PRORP: variants seen among roughly 807,000 people sequenced by gnomAD.
PRORP encodes mitochondrial ribonuclease P catalytic subunit.
In PRORP, 51 loss-of-function variants were observed where a neutral mutation model predicts 59.4. The ratio of observed to expected loss-of-function variants is 0.86; its 90% CI spans 0.69 to 1.08. The LOEUF (loss-of-function observed/expected upper bound fraction) is 1.08. Ranked by LOEUF, PRORP falls within the 50% of genes least tolerant of loss-of-function variation. The pLI is 0.00. For missense variants in PRORP, 646 were observed against 690.3 expected (o/e 0.94, Z 0.72); for synonymous variants, 231 against 245.6 (o/e 0.94, Z 0.55).
chr14:35,267,008 T>C, intron 6 of PRORP, 133 bp downstream of exon 6: 1 of 787,582 alleles, frequency 1.3e-6, no homozygotes, highest in Non-Finnish European at 1.8e-6. Flanking sequence ...AAAAAAAAGA[T>C]TTGAGACAAC....
At chr14:35,262,807 T>C (rs553492111) in intron 5 of PRORP, 3 of 1,396,500 alleles carry the variant, frequency 2.1e-6, no homozygotes, top group South Asian at 2.3e-5. Flanking sequence ...ATCTGAAATT[T>C]CTTGGGTGAA....
intron 3 of PRORP, 53 bp from the exon 4 acceptor site, chr14:35,127,426 C>T: frequency 3.7e-6 from 5 of 1,338,936 alleles, no homozygotes; most frequent in South Asian, 1.8e-5. Flanking sequence ...TTTTTTTCCC[C>T]AGAACATTAT....
chr14:35,267,246 C>T (rs1236304323), intron 6 of PRORP, among the ~76,000 whole-genome samples: 1 of 152,126 alleles, frequency 6.6e-6, no homozygotes, highest in Non-Finnish European at 1.5e-5. Context: ...GTGAAAAAGA[C>T]AAAGTCCCTG....
chr14:35,130,630 C>T (rs1447420082), intron 4 of PRORP, among the ~76,000 whole-genome samples: 2 of 151,658 alleles, frequency 1.3e-5, no homozygotes, highest in East Asian at 3.9e-4. Flanking sequence ...ATTACAGGTA[C>T]CCTCCACCAG....
chr14:35,170,416 A>T (rs77409275), intron 4 of PRORP, among the ~76,000 whole-genome samples: 9,054 of 151,968 alleles, frequency 0.06, 489 homozygotes, highest in Admixed American at 0.18. Context: ...AAATTTTATC[A>T]ACTCTGGCCT....
intron 5 of PRORP, among the ~76,000 whole-genome samples, chr14:35,217,928 C>G (rs1307101040): frequency 2.0e-5 from 3 of 152,206 alleles, no homozygotes; most frequent in South Asian, 4.2e-4. Flanking sequence ...TTCTTGGTCC[C>G]TTGAATTTCC....
At chr14:35,126,902 G>A in intron 3 of PRORP, 120 bp downstream of exon 3, 2 of 729,896 alleles carry the variant, frequency 2.7e-6, no homozygotes, top group Non-Finnish European at 4.5e-6. Context: ...TGTAATTAGA[G>A]TATCTGAGGA....
intron 4 of PRORP, among the ~76,000 whole-genome samples, chr14:35,170,910 C>T (rs1336478839): frequency 3.3e-5 from 5 of 151,316 alleles, no homozygotes; most frequent in African/African-American, 7.3e-5. Flanking sequence ...AGTGTAATGG[C>T]GCAATCTCGG....
intron 5 of PRORP, among the ~76,000 whole-genome samples, chr14:35,203,626 A>T (rs969089648): frequency 6.6e-6 from 1 of 152,208 alleles, no homozygotes; most frequent in Non-Finnish European, 1.5e-5. Flanking sequence ...GCACTTTGGG[A>T]GGCCGAGGCG....
intron 4 of PRORP, among the ~76,000 whole-genome samples, chr14:35,175,754 A>G (rs2048433801): frequency 1.3e-5 from 2 of 151,930 alleles, no homozygotes; most frequent in African/African-American, 4.8e-5. Flanking sequence ...ATTAGATCCC[A>G]TTTGTCAATT....
rs189824259 is a variant in PRORP at position 35,271,408 on chromosome 14, C to T, written c.1620+812C>T. ...TCCTGAGCTCATAATCCACCCACCT[C>T]AGCCTCCCAAAGTGCTGGGATTACA... On this transcript the variant is annotated intron_variant, in intron 7 of 7. Coordinates refer to ENST00000534898, the MANE Select transcript of PRORP (RefSeq NM_014672.4). Among the ~76,000 whole-genome samples, 382 of 152,142 alleles carry T rather than the reference C, an allele frequency of 2.5e-3. 2 individuals carry two copies. Among genetic ancestry groups the T allele is most frequent in the African/African-American group, 8.6e-3 (358 of 41,538 alleles).
At chr14:35,260,962 G>A (rs1448884944) in intron 5 of PRORP, among the ~76,000 whole-genome samples, 1 of 152,168 alleles carries the variant, frequency 6.6e-6, no homozygotes, top group Non-Finnish European at 1.5e-5. Flanking sequence ...AGGATTACAG[G>A]TATGAACTAC....
In PRORP at chr14:35,194,910, A is replaced by G. The variant is rs186242352; in HGVS notation, c.1275+14133A>G. Among the ~76,000 whole-genome samples, 15 of 152,308 alleles carry G rather than the reference A, an allele frequency of 9.8e-5. No individual in the cohort carries two copies. In the East Asian group the frequency reaches 2.7e-3, roughly 27 times the overall value. ...TTTGAAAATTTATAATTGTAAAGAA[A>G]ATCGTAAATTGTAACTATCTGCATA... On this transcript the variant is annotated intron_variant, in intron 5 of 7. Coordinates refer to ENST00000534898, the MANE Select transcript of PRORP (RefSeq NM_014672.4).
intron 5 of PRORP, among the ~76,000 whole-genome samples, chr14:35,217,637 T>C (rs549756877): frequency 6.6e-6 from 1 of 152,202 alleles, no homozygotes; most frequent in East Asian, 1.9e-4. Context: ...TTGGTATGAG[T>C]CCAACTTCAC....
chr14:35,188,199 T>TC (rs1227795119), intron 5 of PRORP, among the ~76,000 whole-genome samples: 1 of 149,212 alleles, frequency 6.7e-6, no homozygotes, highest in African/African-American at 2.5e-5. Flanking sequence ...TAATTTTTTT[T>TC]TTTTTTTTTG....
rs79551395 is a variant in PRORP at position 35,170,660 on chromosome 14, T to C, written c.1168-10010T>C. 5.1e-3 allele frequency among the ~76,000 whole-genome samples: 774 copies of C among 152,318 alleles called. 9 individuals carry two copies. Among genetic ancestry groups the C allele is most frequent in the African/African-American group, 0.018 (739 of 41,584 alleles). Reference sequence around the variant, plus strand: ...AATATAGTGCTATGATAATTTTTGCTTTAAGTAGTCACATGTCTTTTAAAG... The same window carrying C: ...AATATAGTGCTATGATAATTTTTGCCTTAAGTAGTCACATGTCTTTTAAAG... On this transcript the variant is annotated intron_variant, in intron 4 of 7. Transcript: ENST00000534898.
chr14:35,228,995 T>A (rs2050006236), intron 5 of PRORP, among the ~76,000 whole-genome samples: 2 of 152,204 alleles, frequency 1.3e-5, no homozygotes, highest in African/African-American at 2.4e-5. Context: ...TTCTGACTGG[T>A]ATGAGATGGG....
intron 4 of PRORP, among the ~76,000 whole-genome samples, chr14:35,175,501 G>A (rs1595243775): frequency 6.6e-6 from 1 of 152,144 alleles, no homozygotes; most frequent in African/African-American, 2.4e-5. Flanking sequence ...CAGTGATGAT[G>A]AGCATTTTTT....
chr14:35,210,487 T>C lies in PRORP; in HGVS notation c.1275+29710T>C, dbSNP rs979197336. Among the ~76,000 whole-genome samples, 5 of 151,992 alleles carry C rather than the reference T, an allele frequency of 3.3e-5. No homozygotes were observed. The East Asian group carries it at 7.7e-4, about 23-fold the overall frequency. ...TTTTAGTTTGTAGTTAGGAGTTTTATTCAGCCCATAGAAAAAGACTTATAC... is the reference window on the plus strand; with the variant it reads ...TTTTAGTTTGTAGTTAGGAGTTTTACTCAGCCCATAGAAAAAGACTTATAC... On this transcript the variant is annotated intron_variant, in intron 5 of 7. Transcript: ENST00000534898.
Sources: allele counts gnomAD v4.1 joint callset (sites outside exome capture counted in the v4.1 genomes callset), GRCh38; gene constraint gnomAD v4.1.1; transcripts MANE v1.5; gene names NCBI Gene and HGNC (gene_info 2026-07-23, HGNC 2026-07-21).